Variants in ASB13 observed in about 807,000 individuals in gnomAD.
The protein encoded by ASB13 is ankyrin repeat and SOCS box containing 13, also known as ankyrin repeat and SOCS box protein 13.
ASB13 carries 33 observed loss-of-function variants against 28.8 expected under a neutral mutation model. That is an observed-to-expected ratio of 1.15 (90% CI 0.87 to 1.53). ASB13 has a LOEUF of 1.53. Ranked by LOEUF, ASB13 falls within the 40% of genes most tolerant of loss-of-function variation. The probability of loss-of-function intolerance (pLI) is 0.00; values close to 1 mark genes in which losing one functional copy is unlikely to be tolerated. For missense variants in ASB13, 414 were observed against 390.1 expected, an observed-to-expected ratio of 1.06 and a Z score of -0.52; for synonymous variants, 182 against 172.9, an observed-to-expected ratio of 1.05 and a Z score of -0.41.
At position 5,663,399 on chromosome 10, in the gene ASB13, A is replaced by G. The variant is rs2131459998; in HGVS notation, c.43+3110T>C. Among the ~76,000 whole-genome samples the G allele has an allele frequency of 6.6e-6, 1 of 151,934 alleles. No homozygotes were observed. Among genetic ancestry groups the G allele is most frequent in the East Asian group, 1.9e-4 (1 of 5,160 alleles). ...TGTCTCCTCCCCTGACTCCCTCATC[A>G]CTCACCCAATTATCTGCTACCCCGA... On this transcript the variant is annotated intron_variant, in intron 1 of 5. Transcript: ENST00000357700. This position sits in a 1 kb window ranked among gnomAD's most constrained non-coding sequence, Gnocchi z 4.9.
intron 4 of ASB13, among the ~76,000 whole-genome samples, chr10:5,643,652 A>C (rs1480551520): frequency 1.3e-5 from 2 of 152,272 alleles, no homozygotes; most frequent in Non-Finnish European, 2.9e-5. Context: ...GTTTTCCTCC[A>C]GTATAATGTT....
chr10:5,666,480 G>A (rs1421829695), intron 1 of ASB13, 29 bp downstream of exon 1: 2 of 1,295,190 alleles, frequency 1.5e-6, no homozygotes, highest in Admixed American at 3.3e-5. Context: ...CCGCTGCCTC[G>A]CTCTGACCTC....
chr10:5,640,877 G>A (rs1253012161), intron 5 of ASB13, 47 bp from the exon 6 acceptor site: 1 of 1,606,076 alleles, frequency 6.2e-7, no homozygotes, highest in Non-Finnish European at 8.5e-7. Flanking sequence ...TCAGGAAGAA[G>A]CACAACACCT....
Position 5,652,840 on chromosome 10 carries a change from G to T in ASB13, c.231+23C>A. The stretch of plus-strand genomic sequence containing the variant: ...TCTGGCAGCTGCAGCCAGTCTGGGG[G>T]TCTGCCCTGAAGGGCCACTCACCTG... On this transcript the variant is annotated intron_variant, in intron 2 of 5. Coordinates refer to ENST00000357700, the MANE Select transcript of ASB13 (RefSeq NM_024701.4). The surrounding 1 kb of genome is among the most constrained non-coding windows in gnomAD (Gnocchi z 5.0). 1 of 1,504,158 alleles carries T rather than the reference G, an allele frequency of 6.6e-7. No individual in the cohort carries two copies. The allele number at this position is 1,504,158 out of a possible 1,614,324, so 93.2% of individuals were successfully genotyped here.
Position 5,651,716 on chromosome 10 carries a change from A to C in ASB13, c.232-353T>G. The C allele has an allele frequency of 5.3e-6, 1 of 190,054 alleles. No individual in the cohort carries two copies. The highest frequency in any genetic ancestry group is 1.1e-5 in the Non-Finnish European group (1 of 92,456). 11.8% of individuals were successfully genotyped at this position (190,054 alleles called of 1,614,324 possible). On this transcript the variant is annotated intron_variant, in intron 2 of 5. Transcript: ENST00000357700. The surrounding 1 kb of genome is among the most constrained non-coding windows in gnomAD (Gnocchi z 5.1). ...TTAAAAATGAGTTTTAAAAACCCTA[A>C]CCTCAGCTGGGCACAGTGGCTCACA... is the stretch of plus-strand genomic sequence containing the variant.
At position 5,655,475 on chromosome 10, in the gene ASB13, GT is replaced by G. The variant is rs1053845390; in HGVS notation, c.44-2426del. ...AATCAGTGCTCAATAAACACTGTCT[GT>G]TTGTAGTATTTTTGCCTCCAATTGT... On this transcript the variant is annotated intron_variant, in intron 1 of 5. Coordinates refer to ENST00000357700, the MANE Select transcript of ASB13 (RefSeq NM_024701.4). This position sits in a 1 kb window ranked among gnomAD's most constrained non-coding sequence, Gnocchi z 6.2. Among the ~76,000 whole-genome samples, 1 of 152,222 alleles carries G rather than the reference GT, an allele frequency of 6.6e-6. No homozygotes were observed. The highest frequency in any genetic ancestry group is 1.5e-5 in the Non-Finnish European group (1 of 68,046).
In ASB13 at chr10:5,648,326, C is replaced by T. The variant is rs568729782; in HGVS notation, c.517+644G>A. Among the ~76,000 whole-genome samples, 129 of 147,264 alleles carry T rather than the reference C, an allele frequency of 8.8e-4. 1 individual carries two copies. The highest frequency in any genetic ancestry group is 1.7e-3 in the Non-Finnish European group (110 of 65,994). On this transcript the variant is annotated intron_variant, in intron 4 of 5. Transcript: ENST00000357700. ...AAACACCCACTCAGGCAAACACCCCCTCGGGTAAACACCCACGTGGGCAAC... is the reference window on the plus strand; with the variant it reads ...AAACACCCACTCAGGCAAACACCCCTTCGGGTAAACACCCACGTGGGCAAC...
chr10:5,666,546 C>T lies in ASB13; in HGVS notation c.6G>A (p.Glu2=), dbSNP rs1469584109. 3 of 1,209,948 alleles carry T rather than the reference C, an allele frequency of 2.5e-6. No individual in the cohort carries two copies. The African/African-American group carries it at 4.8e-5, about 19-fold the overall frequency. 75.0% of individuals were successfully genotyped at this position (1,209,948 alleles called of 1,614,324 possible). A position where few individuals can be genotyped will look rare whatever the true frequency, so the allele number is the denominator to read the frequency against. ...GGAAGCAGCCGTCCGCCGCCCGGGGCTCCATGCGGCTCACCGGCGGCCGCG... is the reference window on the plus strand; with the variant it reads ...GGAAGCAGCCGTCCGCCGCCCGGGGTTCCATGCGGCTCACCGGCGGCCGCG... M[E]PRAADGCFLG... Residue 2 remains glutamate, a synonymous_variant, in exon 1 of 6, where the codon GAG becomes GAA. Transcript: ENST00000357700.
intron 1 of ASB13, among the ~76,000 whole-genome samples, chr10:5,657,701 G>T (rs1000495007): frequency 6.6e-6 from 1 of 152,324 alleles, no homozygotes; most frequent in Non-Finnish European, 1.5e-5. Context: ...GCAGGGTCTT[G>T]AGGAGAGATT....
rs147415536 is a variant in ASB13 at position 5,640,524 on chromosome 10, C to T, written c.*179G>A. 1,960 of 792,106 alleles carry T rather than the reference C, an allele frequency of 2.5e-3. 35 individuals are homozygous for T. The African/African-American group carries it at 0.031, about 12-fold the overall frequency. The allele number at this position is 792,106 out of a possible 1,614,324, so 49.1% of individuals were successfully genotyped here. ...TGACCTGAGACGCAGGCCTTCCCAA[C>T]ACCCTGGAAACATTATCCAGGATCC... On this transcript the variant is annotated 3_prime_UTR_variant, in exon 6 of 6. Transcript: ENST00000357700.
At chr10:5,646,487 G>A (rs541441628) in intron 4 of ASB13, among the ~76,000 whole-genome samples, 4 of 152,326 alleles carry the variant, frequency 2.6e-5, no homozygotes, top group South Asian at 4.1e-4. Context: ...CTGCAGCCCC[G>A]TGACCTTGCT....
In ASB13 at chr10:5,639,856, G is replaced by C. The variant is rs544765686; in HGVS notation, c.*847C>G. The C allele has an allele frequency of 6.6e-6, 1 of 152,214 alleles. No homozygotes were observed. The highest frequency in any genetic ancestry group is 1.9e-4 in the East Asian group (1 of 5,188). The allele number at this position is 152,214 out of a possible 1,614,324, so 9.4% of individuals were successfully genotyped here. A position where few individuals can be genotyped will look rare whatever the true frequency, so the allele number is the denominator to read the frequency against. ...AACAGGCCTTTGCACTGAGAATGCC[G>C]AGCCACGAGAATATACACCTTGACA... is the stretch of plus-strand genomic sequence containing the variant. On this transcript the variant is annotated 3_prime_UTR_variant, in exon 6 of 6. Transcript: ENST00000357700.
Position 5,644,587 on chromosome 10 carries a change from G to A in ASB13, c.518-2626C>T, listed in dbSNP as rs1031862573. Among the ~76,000 whole-genome samples, 2 of 152,158 alleles carry A rather than the reference G, an allele frequency of 1.3e-5. No individual in the cohort carries two copies. Among genetic ancestry groups the A allele is most frequent in the Non-Finnish European group, 2.9e-5 (2 of 68,022 alleles). ...AATCCCAGCACTTTGAGAGCCTGAGGCGGGCAGATCACCTGAGGTCAGGAG... is the reference window on the plus strand; with the variant it reads ...AATCCCAGCACTTTGAGAGCCTGAGACGGGCAGATCACCTGAGGTCAGGAG... On this transcript the variant is annotated intron_variant, in intron 4 of 5. Coordinates refer to ENST00000357700, the MANE Select transcript of ASB13 (RefSeq NM_024701.4). The surrounding 1 kb of genome is among the most constrained non-coding windows in gnomAD (Gnocchi z 5.1).
rs1835114665 is a variant in ASB13, at chr10:5,658,989, ACT to A, written c.44-5941_44-5940del. Among the ~76,000 whole-genome samples the A allele has an allele frequency of 6.6e-6, 1 of 152,180 alleles. No homozygotes were observed. Among genetic ancestry groups the A allele is most frequent in the Non-Finnish European group, 1.5e-5 (1 of 68,022 alleles). ...GCACCCACCACCACAGAGCAATGTG[ACT>A]CAGCCCTGCAATGGCAGGGTCAGTG... On this transcript the variant is annotated intron_variant, in intron 1 of 5. Transcript: ENST00000357700. The surrounding 1 kb of genome is among the most constrained non-coding windows in gnomAD (Gnocchi z 4.2).
At position 5,666,542 on chromosome 10, in the gene ASB13, G is replaced by T; in HGVS notation, c.10C>A (p.Arg4=). MEP[R]AADGCFLGDV... is the part of the protein sequence containing the mutation. Reference sequence around the variant, plus strand: ...CCCAGGAAGCAGCCGTCCGCCGCCCGGGGCTCCATGCGGCTCACCGGCGGC... The same window carrying T: ...CCCAGGAAGCAGCCGTCCGCCGCCCTGGGCTCCATGCGGCTCACCGGCGGC... Residue 4 remains arginine, a synonymous_variant, in exon 1 of 6, where the codon CGG becomes AGG. Transcript: ENST00000357700. 2 of 1,236,090 alleles carry T rather than the reference G, an allele frequency of 1.6e-6. No homozygotes were observed. Among genetic ancestry groups the T allele is most frequent in the Non-Finnish European group, 2.0e-6 (2 of 985,088 alleles). 76.6% of individuals were successfully genotyped at this position (1,236,090 alleles called of 1,614,324 possible). A position where few individuals can be genotyped will look rare whatever the true frequency, so the allele number is the denominator to read the frequency against.
rs916668729 is a variant in ASB13, at chr10:5,664,219, C to T, written c.43+2290G>A. On this transcript the variant is annotated intron_variant, in intron 1 of 5. Transcript: ENST00000357700. This position sits in a 1 kb window ranked among gnomAD's most constrained non-coding sequence, Gnocchi z 4.2. ...AATCCCCATAAACAACAGGAAGACA[C>T]CCCTGCCCCACCCCCACCCCGGCTT... Among the ~76,000 whole-genome samples the T allele has an allele frequency of 1.3e-5, 2 of 151,960 alleles. No individual in the cohort carries two copies. Among genetic ancestry groups the T allele is most frequent in the Non-Finnish European group, 2.9e-5 (2 of 68,000 alleles).
chr10:5,659,784 C>A lies in ASB13; in HGVS notation c.43+6725G>T, dbSNP rs998495389. On this transcript the variant is annotated intron_variant, in intron 1 of 5. Coordinates refer to ENST00000357700, the MANE Select transcript of ASB13 (RefSeq NM_024701.4). The surrounding 1 kb of genome is among the most constrained non-coding windows in gnomAD (Gnocchi z 5.8). ...TAGTACCACAGCTAGCCAGCCTCCCCACACAGGCTGCTCGTGCAGGTATCT... is the reference window on the plus strand; with the variant it reads ...TAGTACCACAGCTAGCCAGCCTCCCAACACAGGCTGCTCGTGCAGGTATCT... 2.0e-5 allele frequency among the ~76,000 whole-genome samples: 3 copies of A among 152,122 alleles called. No homozygotes were observed. The highest frequency in any genetic ancestry group is 2.9e-5 in the Non-Finnish European group (2 of 68,012).
In ASB13 at chr10:5,660,576, C is replaced by T. The variant is rs994037540; in HGVS notation, c.43+5933G>A. The stretch of plus-strand genomic sequence containing the variant: ...TACCCTCTCCAAACCTCGGCCTCCT[C>T]TCTCCTCAAATGGGTGCTGTGAAGA... On this transcript the variant is annotated intron_variant, in intron 1 of 5. Transcript: ENST00000357700. This position sits in a 1 kb window ranked among gnomAD's most constrained non-coding sequence, Gnocchi z 6.1. Among the ~76,000 whole-genome samples the T allele has an allele frequency of 6.6e-6, 1 of 152,218 alleles. No individual in the cohort carries two copies. Among genetic ancestry groups the T allele is most frequent in the African/African-American group, 2.4e-5 (1 of 41,452 alleles).
intron 1 of ASB13, among the ~76,000 whole-genome samples, chr10:5,662,537 G>GC (rs1554744095): frequency 2.4e-4 from 7 of 29,142 alleles, no homozygotes; most frequent in South Asian, 1.7e-3. Flanking sequence ...CGAGAAGGGG[G>GC]GGGGAGGGGA....
Sources: allele counts gnomAD v4.1 joint callset (sites outside exome capture counted in the v4.1 genomes callset), GRCh38; gene constraint gnomAD v4.1.1; non-coding constraint Gnocchi (gnomAD v3.1); transcripts MANE v1.5; gene names NCBI Gene and HGNC (gene_info 2026-07-23, HGNC 2026-07-21).